The following LEPROTL1 variants were observed in gnomAD, a reference collection of about 807,000 sequenced individuals.
LEPROTL1 encodes leptin receptor overlapping transcript-like 1.
A neutral mutation model predicts 15.4 loss-of-function variants in LEPROTL1; 6 were observed. The ratio of observed to expected loss-of-function variants is 0.39; its 90% CI spans 0.21 to 0.77. The LOEUF (loss-of-function observed/expected upper bound fraction) is 0.77. LEPROTL1 is among the 30% of genes least tolerant of loss of function. The pLI, the probability that LEPROTL1 is intolerant of heterozygous loss-of-function variation, is 0.41. For missense variants in LEPROTL1, 128 were observed against 158.1 expected (o/e 0.81, Z 1.02); for synonymous variants, 56 against 52.6 (o/e 1.06, Z -0.28).
rs2117469004 is a variant in LEPROTL1 at position 30,095,973 on chromosome 8, AGTGCG to A, written c.16+448_16+452del. 4 of 677,300 alleles carry A rather than the reference AGTGCG, an allele frequency of 5.9e-6. No individual in the cohort carries two copies. The East Asian group carries it at 1.1e-4, about 19-fold the overall frequency. The allele number at this position is 677,300 out of a possible 1,614,324, so 42.0% of individuals were successfully genotyped here. On this transcript the variant is annotated intron_variant, in intron 1 of 3. Transcript: ENST00000321250. ...CAGTCATTTCCCACCGAAAGGCACA[AGTGCG>A]GTCTGCGGGCGCTGCACGGGTCTGC...
downstream of LEPROTL1, among the ~76,000 whole-genome samples, chr8:30,110,147 A>G (rs889645608): frequency 1.3e-5 from 2 of 152,214 alleles, no homozygotes; most frequent in African/African-American, 4.8e-5. Context: ...CTTTGCTTCC[A>G]GTCTCTTGAA....
chr8:30,136,567 G>C (rs1034230319), intron 4 of LEPROTL1, among the ~76,000 whole-genome samples: 1 of 152,152 alleles, frequency 6.6e-6, no homozygotes, highest in Non-Finnish European at 1.5e-5. Flanking sequence ...GCCAGATCCT[G>C]TTCAACTTGC....
At chr8:30,122,166 CA>C (rs796786688) in intron 3 of LEPROTL1, among the ~76,000 whole-genome samples, 5,005 of 129,832 alleles carry the variant, frequency 0.039, 225 homozygotes, top group African/African-American at 0.11. Flanking sequence ...GACTCCCTCT[CA>C]AAAAAAAAAA....
chr8:30,118,019 G>GGTTGTATT (rs751348725), intron 3 of LEPROTL1, among the ~76,000 whole-genome samples: 1 of 26,786 alleles, frequency 3.7e-5, no homozygotes, highest in Non-Finnish European at 8.4e-5. Context: ...TTTTTGATTT[G>GGTTGTATT]TTTTTTTTTT....
At chr8:30,095,631 G>A (rs908562715) in intron 1 of LEPROTL1, 103 bp downstream of exon 1, 3 of 1,004,716 alleles carry the variant, frequency 3.0e-6, no homozygotes, top group Non-Finnish European at 4.0e-6. Context: ...TCGCGCGCGC[G>A]CGTGGGGTCC....
At chr8:30,099,599 TAAAAAAAAAAAAAA>T (rs71204264) in intron 1 of LEPROTL1, among the ~76,000 whole-genome samples, 3 of 112,474 alleles carry the variant, frequency 2.7e-5, no homozygotes, top group African/African-American at 3.6e-5. Context: ...AGACTCCATT[TAAAAAAAAAAAAAA>T]AAAAAAAAAA....
intron 2 of LEPROTL1, 70 bp downstream of exon 2, chr8:30,102,043 GT>G (rs1014366447): frequency 1.7e-5 from 16 of 927,564 alleles, no homozygotes; most frequent in Non-Finnish European, 2.5e-5. Flanking sequence ...TTAAAAAAAT[GT>G]TTTTTTACTA....
intron 3 of LEPROTL1, among the ~76,000 whole-genome samples, chr8:30,120,870 CA>C (rs1802818598): frequency 6.6e-6 from 1 of 152,142 alleles, no homozygotes. Context: ...GCTGAAATAC[CA>C]TCTTAAATTA....
At chr8:30,102,918 A>G (rs17568688) in intron 2 of LEPROTL1, among the ~76,000 whole-genome samples, 4,448 of 152,276 alleles carry the variant, frequency 0.029, 95 homozygotes, top group Non-Finnish European at 0.047. Flanking sequence ...TCTTGGAGAT[A>G]AGTTTGCTTG....
At chr8:30,105,282 T>G (rs1802544408) in intron 3 of LEPROTL1, among the ~76,000 whole-genome samples, 1 of 152,152 alleles carries the variant, frequency 6.6e-6, no homozygotes, top group Non-Finnish European at 1.5e-5. Flanking sequence ...TTCAAAAGAA[T>G]GTACATGGGT....
Position 30,103,067 on chromosome 8 carries a change from G to T in LEPROTL1, c.92+1094G>T, listed in dbSNP as rs559863776. On this transcript the variant is annotated intron_variant, in intron 2 of 3. Coordinates refer to ENST00000321250, the MANE Select transcript of LEPROTL1 (RefSeq NM_015344.3). ...TTCAAGCAGCCTTGTTTATTTTTTG[G>T]TTTTTGTTTTTGTTTTGTTGTTTTA... Among the ~76,000 whole-genome samples, 6 of 152,086 alleles carry T rather than the reference G, an allele frequency of 3.9e-5. No homozygotes were observed. In the South Asian group the frequency reaches 8.3e-4, roughly 21 times the overall value.
chr8:30,134,994 C>T (rs1202025813), intron 4 of LEPROTL1, among the ~76,000 whole-genome samples: 2 of 152,176 alleles, frequency 1.3e-5, no homozygotes, highest in African/African-American at 2.4e-5. Flanking sequence ...ATCCTCCCAC[C>T]TCTCCCTCCT....
chr8:30,107,905 G>T lies in LEPROTL1; in HGVS notation c.*2043G>T. The T allele has an allele frequency of 1.0e-6, 1 of 985,292 alleles. No individual in the cohort carries two copies. Among genetic ancestry groups the T allele is most frequent in the Non-Finnish European group, 1.2e-6 (1 of 829,826 alleles). 61.0% of individuals were successfully genotyped at this position (985,292 alleles called of 1,614,324 possible). ...ATACTAACTGCATTGGCAGCATTGT[G>T]TCTTTGACCTTGTATACTAGCTTGA... is the stretch of plus-strand genomic sequence containing the variant. On this transcript the variant is annotated 3_prime_UTR_variant, in exon 4 of 4. Coordinates refer to ENST00000321250, the MANE Select transcript of LEPROTL1 (RefSeq NM_015344.3).
Position 30,095,520 on chromosome 8 carries a change from G to A in LEPROTL1, c.8G>A (p.Gly3Asp), listed in dbSNP as rs938013651. 1.4e-6 allele frequency: 2 copies of A among 1,452,600 alleles called. No homozygotes were observed. Among genetic ancestry groups the A allele is most frequent in the Non-Finnish European group, 1.8e-6 (2 of 1,106,394 alleles). 90.0% of individuals were successfully genotyped at this position (1,452,600 alleles called of 1,614,324 possible). Residue 3 changes from glycine (G) to aspartate (D), a missense_variant, in exon 1 of 4, where the codon GGC becomes GAC. Transcript: ENST00000321250. ...AGGAGCGACGTCACCGCCATGGCAG[G>A]CATCAAAGGTGGGCCTGGGTTGCAG... MA[G>D]IKALISLSFG...
chr8:30,128,860 C>T (rs929432105), intron 3 of LEPROTL1, among the ~76,000 whole-genome samples: 3 of 150,500 alleles, frequency 2.0e-5, no homozygotes, highest in Admixed American at 6.7e-5. Context: ...CTAGACAGCT[C>T]CCCAGAAGTG....
downstream of LEPROTL1, among the ~76,000 whole-genome samples, chr8:30,110,759 G>A (rs1313046482): frequency 1.3e-5 from 2 of 151,912 alleles, no homozygotes; most frequent in Non-Finnish European, 2.9e-5. Context: ...CAAATAGAAT[G>A]TCTAATACTA....
intron 3 of LEPROTL1, among the ~76,000 whole-genome samples, chr8:30,118,075 A>G (rs1187315721): frequency 7.6e-6 from 1 of 132,062 alleles, no homozygotes; most frequent in Non-Finnish European, 1.5e-5. Context: ...TCCAGGCTGC[A>G]GAGCAGTGGC....
chr8:30,132,960 T>A, intron 4 of LEPROTL1: 1 of 1,456,204 alleles, frequency 6.9e-7, no homozygotes, highest in South Asian at 1.5e-5. Flanking sequence ...ATTCTCTCTC[T>A]CTTATTCCAG....
At chr8:30,096,861 C>T (rs1802375073) in intron 1 of LEPROTL1, among the ~76,000 whole-genome samples, 1 of 152,184 alleles carries the variant, frequency 6.6e-6, no homozygotes, top group Non-Finnish European at 1.5e-5. Context: ...GTTTCTTTCT[C>T]TTGGCCTAAT....
Sources: allele counts gnomAD v4.1 joint callset (sites outside exome capture counted in the v4.1 genomes callset), GRCh38; gene constraint gnomAD v4.1.1; transcripts MANE v1.5; gene names NCBI Gene and HGNC (gene_info 2026-07-23, HGNC 2026-07-21).